ZSCAN5B: variants seen among roughly 807,000 people sequenced by gnomAD.
The protein encoded by ZSCAN5B is zinc finger and SCAN domain containing 5B.
ZSCAN5B carries 26 observed loss-of-function variants against 25.2 expected under a neutral mutation model. The ratio of observed to expected loss-of-function variants is 1.03; its 90% CI spans 0.76 to 1.43. ZSCAN5B has a LOEUF of 1.43. Among genes scored for constraint, ZSCAN5B ranks in the 40% most tolerant of loss-of-function variants. The probability of loss-of-function intolerance (pLI) is 0.00; values close to 1 mark genes in which losing one functional copy is unlikely to be tolerated. For missense variants in ZSCAN5B, 745 were observed against 622.1 expected (o/e 1.20, Z -2.10); for synonymous variants, 244 against 240.9 (o/e 1.01, Z -0.12).
intron 1 of ZSCAN5B, among the ~76,000 whole-genome samples, chr19:56,195,483 G>A (rs1018476886): frequency 6.6e-6 from 1 of 151,686 alleles, no homozygotes; most frequent in Non-Finnish European, 1.5e-5. Flanking sequence ...CACATGGAAC[G>A]AGTGTTGGTG....
intron 1 of ZSCAN5B, among the ~76,000 whole-genome samples, chr19:56,193,624 A>C (rs1372909360): frequency 6.6e-6 from 1 of 152,220 alleles, no homozygotes; most frequent in East Asian, 1.9e-4. Flanking sequence ...TTTTCCTGTT[A>C]ACCCCAGGAT....
intron 1 of ZSCAN5B, among the ~76,000 whole-genome samples, chr19:56,196,177 G>A (rs899212026): frequency 1.3e-5 from 2 of 151,964 alleles, no homozygotes; most frequent in East Asian, 1.9e-4. Context: ...TCAGCCTCCC[G>A]AGTAGCTGGG....
rs746846417 is a variant in ZSCAN5B at position 56,189,986 on chromosome 19, G to C, written c.1329C>G (p.Tyr443Ter). ...CCTTGTGGCTGAAAACTTTGCTGCA[G>C]TATTTACATTTAAACGGCCTCTCCC... The change falls in exon 5 of 5, where the codon TAC becomes TAG. Residue 443 changes from tyrosine to a stop codon, truncating the protein, a stop_gained. Transcript: ENST00000586855. LOFTEE classifies it low-confidence loss of function (END_TRUNC). 13 of 1,613,888 alleles carry C rather than the reference G, an allele frequency of 8.1e-6. No individual in the cohort carries two copies. The South Asian group carries it at 1.3e-4, about 16-fold the overall frequency.
exon 5 of ZSCAN5B, chr19:56,189,876 C>T (rs757740694): frequency 1.1e-5 from 17 of 1,613,740 alleles, no homozygotes; most frequent in Non-Finnish European, 1.4e-5. Context: ...CTTGAATGTC[C>T]CCAGCTGACG....
chr19:56,191,988 G>A, exon 3 of ZSCAN5B: 3 of 1,613,976 alleles, frequency 1.9e-6, no homozygotes, highest in Non-Finnish European at 2.5e-6. Context: ...CACTGGCGGG[G>A]GCTTCAGCCA....
At position 56,190,317 on chromosome 19, in the gene ZSCAN5B, T is replaced by C. The variant is rs201080393; in HGVS notation, c.998A>G (p.His333Arg). The change falls in exon 5 of 5, where the codon CAT becomes CGT. Residue 333 changes from histidine to arginine, a missense_variant. Transcript: ENST00000586855. ...GACCGGGCCCGCAGGGCCTGGGGAA[T>C]GAACTGGATTGATCTCAGCTTGTCC... 1.9e-4 allele frequency: 309 copies of C among 1,614,168 alleles called. No individual in the cohort carries two copies. Among genetic ancestry groups the C allele is most frequent in the Middle Eastern group, 1.5e-3 (9 of 6,062 alleles).
rs547946185 is a variant in ZSCAN5B at position 56,196,342 on chromosome 19, G to A, written c.-128+1392C>T. Among the ~76,000 whole-genome samples, 491 of 152,100 alleles carry A rather than the reference G, an allele frequency of 3.2e-3. 3 individuals carry two copies. The highest frequency in any genetic ancestry group is 0.011 in the African/African-American group (439 of 41,498). On this transcript the variant is annotated intron_variant, in intron 1 of 4. Transcript: ENST00000586855. ...GCTGGGATTACAGGTGTGAGCCACC[G>A]CACCTGGCCATTAAAACTTTTTTTT... is the stretch of plus-strand genomic sequence containing the variant.
intron 1 of ZSCAN5B, among the ~76,000 whole-genome samples, chr19:56,196,535 C>T (rs1246374674): frequency 2.6e-5 from 4 of 152,092 alleles, no homozygotes; most frequent in East Asian, 1.9e-4. Flanking sequence ...TCGATTTAGC[C>T]GTTGCACAAT....
At chr19:56,192,644 C>T (rs1302929928) in intron 2 of ZSCAN5B, 25 bp downstream of exon 2, 4 of 1,586,904 alleles carry the variant, frequency 2.5e-6, no homozygotes, top group Non-Finnish European at 3.4e-6. Context: ...CCCTTCCCTG[C>T]ACCAATCACG....
At chr19:56,195,328 C>T (rs928735301) in intron 1 of ZSCAN5B, among the ~76,000 whole-genome samples, 4 of 152,184 alleles carry the variant, frequency 2.6e-5, no homozygotes, top group Non-Finnish European at 4.4e-5. Flanking sequence ...GGGCTTAAGG[C>T]GCCTGTGTGG....
intron 1 of ZSCAN5B, among the ~76,000 whole-genome samples, chr19:56,196,303 C>T (rs562667050): frequency 2.5e-4 from 38 of 152,244 alleles, no homozygotes; most frequent in Non-Finnish European, 3.5e-4. Context: ...CCCTATGCCT[C>T]GGCCTCCCAG....
In ZSCAN5B at chr19:56,191,906, G is replaced by A. The variant is rs2032740159; in HGVS notation, c.532C>T (p.Gln178Ter). 1 of 1,613,960 alleles carries A rather than the reference G, an allele frequency of 6.2e-7. No individual in the cohort carries two copies. The highest frequency in any genetic ancestry group is 2.2e-5 in the East Asian group (1 of 44,874). Residue 178 changes from glutamine (Q) to a stop codon, truncating the protein, a stop_gained, in exon 3 of 5, where the codon CAG becomes TAG. Transcript: ENST00000586855. LOFTEE classifies it high-confidence loss of function. ...AGGATCTGCTGCTCTCGGCGGGCCT[G>A]GCCTGTCCCCGGATGCATCTGGTTC... is the stretch of plus-strand genomic sequence containing the variant.
Position 56,192,066 on chromosome 19 carries a change from A to C in ZSCAN5B, c.385-13T>G. 1.9e-6 allele frequency: 3 copies of C among 1,604,224 alleles called. No homozygotes were observed. Among genetic ancestry groups the C allele is most frequent in the Non-Finnish European group, 2.6e-6 (3 of 1,175,420 alleles). ...AGTTGACTATAGACTGTAGAGAGAA[A>C]AAAGACAATCAGACACTATGAGAAC... On this transcript the variant is annotated splice_polypyrimidine_tract_variant and intron_variant, in intron 2 of 4. Transcript: ENST00000586855.
exon 5 of ZSCAN5B, chr19:56,190,149 C>T (rs2122190373): frequency 1.2e-6 from 2 of 1,614,010 alleles, no homozygotes; most frequent in Non-Finnish European, 1.7e-6. Context: ...GAAGCGCTTC[C>T]GACAGAGATC....
chr19:56,190,227 G>T lies in ZSCAN5B; in HGVS notation c.1088C>A (p.Ser363Ter), dbSNP rs558592538. ...GCTTAGCTGGGAAAAATACTTAAAT[G>T]ATTTATTGCACACGTCACATGCAAA... Residue 363 changes from serine to a stop codon, truncating the protein, a stop_gained, in exon 5 of 5, where the codon TCA (serine) becomes TAA (stop). Transcript: ENST00000586855. LOFTEE classifies it low-confidence loss of function (END_TRUNC). 6 of 1,613,942 alleles carry T rather than the reference G, an allele frequency of 3.7e-6. No homozygotes were observed. Among genetic ancestry groups the T allele is most frequent in the Non-Finnish European group, 5.1e-6 (6 of 1,180,006 alleles).
At chr19:56,193,913 T>C (rs1465040595) in intron 1 of ZSCAN5B, among the ~76,000 whole-genome samples, 1 of 146,184 alleles carries the variant, frequency 6.8e-6, no homozygotes. Context: ...AGTGAGATCA[T>C]GCCACTGCAC....
exon 2 of ZSCAN5B, chr19:56,192,931 T>C (rs763964002): frequency 5.6e-6 from 9 of 1,613,924 alleles, no homozygotes; most frequent in Non-Finnish European, 7.6e-6. Flanking sequence ...GTGCCAAGTC[T>C]CAGGGTTCCT....
chr19:56,196,527 G>A (rs971154590), intron 1 of ZSCAN5B, among the ~76,000 whole-genome samples: 1 of 152,132 alleles, frequency 6.6e-6, no homozygotes, highest in Non-Finnish European at 1.5e-5. Context: ...CAGTTTGCTC[G>A]ATTTAGCCGT....
At chr19:56,191,728 G>A (rs2032736673) in intron 3 of ZSCAN5B, 122 bp downstream of exon 3, 1 of 920,424 alleles carries the variant, frequency 1.1e-6, no homozygotes, top group Non-Finnish European at 1.6e-6. Context: ...GATGTATCAT[G>A]TCCATGGGGA....
Sources: gnomAD v4.1 joint callset for allele counts (sites outside exome capture counted in the v4.1 genomes callset) on GRCh38, gnomAD v4.1.1 for gene constraint, MANE v1.5 for transcripts, NCBI Gene and HGNC (gene_info 2026-07-23, HGNC 2026-07-21) for gene names.